The following PABPC4L variants were observed in gnomAD, a reference collection of about 807,000 sequenced individuals.
PABPC4L encodes poly(A) binding protein cytoplasmic 4 like, also known as polyadenylate-binding protein 4-like.
For missense variants in PABPC4L, 452 were observed against 451.4 expected (o/e 1.00, Z -0.01); for synonymous variants, 169 against 164.1 (o/e 1.03, Z -0.23).
the PABPC4L span, among the ~76,000 whole-genome samples, chr4:134,084,191 G>A: frequency 1.3e-5 from 2 of 152,054 alleles, no homozygotes; most frequent in Non-Finnish European, 2.9e-5. Flanking sequence ...TAGGACTACA[G>A]GCTCACAGCA....
chr4:134,003,722 A>G, the PABPC4L span, among the ~76,000 whole-genome samples: 1 of 151,930 alleles, frequency 6.6e-6, no homozygotes, highest in Admixed American at 6.6e-5. Context: ...TGTAACCGTC[A>G]ATGACAATAG....
the PABPC4L span, among the ~76,000 whole-genome samples, chr4:134,178,607 C>G: frequency 6.6e-6 from 1 of 152,068 alleles, no homozygotes; most frequent in Non-Finnish European, 1.5e-5. Flanking sequence ...CATCAACTTA[C>G]AGGAGATAGT....
At chr4:134,097,965 C>A in the PABPC4L span, among the ~76,000 whole-genome samples, 1 of 151,746 alleles carries the variant, frequency 6.6e-6, no homozygotes, top group Non-Finnish European at 1.5e-5. Context: ...TCTTGTTTAT[C>A]CTGATAGGGA....
chr4:134,062,113 A>G, the PABPC4L span, among the ~76,000 whole-genome samples: 1 of 151,936 alleles, frequency 6.6e-6, no homozygotes, highest in Non-Finnish European at 1.5e-5. Context: ...AAAGAAAAAA[A>G]AAACATAGGA....
chr4:134,113,578 T>A, the PABPC4L span, among the ~76,000 whole-genome samples: 571 of 152,040 alleles, frequency 3.8e-3, 2 homozygotes, highest in African/African-American at 0.013. Flanking sequence ...TTCACAAGGA[T>A]GAAATTGCCT....
At chr4:134,149,395 C>T in the PABPC4L span, among the ~76,000 whole-genome samples, 2 of 152,102 alleles carry the variant, frequency 1.3e-5, no homozygotes, top group African/African-American at 2.4e-5. Flanking sequence ...GGTTGATCAA[C>T]GGCATGTGTC....
At chr4:134,100,426 C>T in the PABPC4L span, among the ~76,000 whole-genome samples, 1 of 151,542 alleles carries the variant, frequency 6.6e-6, no homozygotes, top group African/African-American at 2.4e-5. Flanking sequence ...AAAACCCTTG[C>T]ATTTTCCTTG....
At chr4:133,982,616 T>C in the PABPC4L span, among the ~76,000 whole-genome samples, 2 of 152,040 alleles carry the variant, frequency 1.3e-5, no homozygotes, top group Non-Finnish European at 2.9e-5. Context: ...ATATTTACTT[T>C]GCTGGTTATG....
At chr4:134,066,627 G>GGGGAATGC in the PABPC4L span, among the ~76,000 whole-genome samples, 1 of 152,130 alleles carries the variant, frequency 6.6e-6, no homozygotes, top group African/African-American at 2.4e-5. Context: ...CAGTTTTAAA[G>GGGGAATGC]GGGAATGCTT....
the PABPC4L span, among the ~76,000 whole-genome samples, chr4:134,133,604 G>T: frequency 6.6e-6 from 1 of 151,330 alleles, no homozygotes; most frequent in Non-Finnish European, 1.5e-5. Context: ...CATCAACGTC[G>T]TATGTTCTCA....
chr4:134,148,464 T>C, the PABPC4L span, among the ~76,000 whole-genome samples: 1 of 152,056 alleles, frequency 6.6e-6, no homozygotes, highest in Admixed American at 6.6e-5. Context: ...CTGATATTCT[T>C]TATATCCATC....
the PABPC4L span, among the ~76,000 whole-genome samples, chr4:134,155,472 G>A: frequency 9.1e-6 from 1 of 109,814 alleles, no homozygotes; most frequent in Non-Finnish European, 1.8e-5. Flanking sequence ...TATACACACA[G>A]TCTGAATGTA....
chr4:134,083,657 T>C, the PABPC4L span, among the ~76,000 whole-genome samples: 1 of 152,194 alleles, frequency 6.6e-6, no homozygotes, highest in African/African-American at 2.4e-5. Context: ...GTACTTTGGC[T>C]AGTATTAATT....
the PABPC4L span, among the ~76,000 whole-genome samples, chr4:134,037,736 G>T: frequency 6.6e-6 from 1 of 152,096 alleles, no homozygotes; most frequent in Non-Finnish European, 1.5e-5. Context: ...AGACGATGGG[G>T]TTTTCTAAAT....
chr4:134,085,855 G>A, the PABPC4L span, among the ~76,000 whole-genome samples: 1 of 152,094 alleles, frequency 6.6e-6, no homozygotes, highest in Admixed American at 6.5e-5. Flanking sequence ...GAATAATTGT[G>A]CTTTGAGCAT....
At chr4:134,136,052 G>T in the PABPC4L span, among the ~76,000 whole-genome samples, 1 of 151,918 alleles carries the variant, frequency 6.6e-6, no homozygotes, top group South Asian at 2.1e-4. Flanking sequence ...ATATCAGATC[G>T]AATCCCATGA....
chr4:133,990,352 GT>G, the PABPC4L span, among the ~76,000 whole-genome samples: 1 of 152,008 alleles, frequency 6.6e-6, no homozygotes, highest in East Asian at 1.9e-4. Flanking sequence ...GATCATTGAT[GT>G]TTCTATTATA....
At chr4:133,957,436 T>C in the PABPC4L span, among the ~76,000 whole-genome samples, 1 of 152,176 alleles carries the variant, frequency 6.6e-6, no homozygotes, top group Non-Finnish European at 1.5e-5. Context: ...CTTTTCAGGG[T>C]ACAGCCCCTG....
At chr4:134,187,863 A>G in the PABPC4L span, among the ~76,000 whole-genome samples, 1 of 151,852 alleles carries the variant, frequency 6.6e-6, no homozygotes, top group African/African-American at 2.4e-5. Context: ...TTGTTTTTTG[A>G]TATAATCTGA....
Sources: gnomAD v4.1 joint callset for allele counts (sites outside exome capture counted in the v4.1 genomes callset) on GRCh38, gnomAD v4.1.1 for gene constraint, MANE v1.5 for transcripts, NCBI Gene and HGNC (gene_info 2026-07-23, HGNC 2026-07-21) for gene names.